The following GRM5 variants were observed in gnomAD, a reference collection of about 807,000 sequenced individuals.
The protein encoded by GRM5 is glutamate metabotropic receptor 5, also known as metabotropic glutamate receptor 5.
In GRM5, 19 loss-of-function variants were observed where a neutral mutation model predicts 83.1. The ratio of observed to expected loss-of-function variants is 0.23; its 90% CI spans 0.16 to 0.34. GRM5 has a LOEUF of 0.34. Among genes scored for constraint, GRM5 ranks in the 10% least tolerant of loss-of-function variants. The pLI is 1.00. For missense variants in GRM5, 1,160 were observed against 1,588.3 expected, an observed-to-expected ratio of 0.73 and a Z score of 4.58; for synonymous variants, 675 against 633.6, an observed-to-expected ratio of 1.07 and a Z score of -0.98.
In GRM5 at chr11:88,709,614, G is replaced by A. The variant is rs182108678; in HGVS notation, c.912-56211C>T. Among the ~76,000 whole-genome samples the A allele has an allele frequency of 8.1e-3, 1,227 of 152,212 alleles. 5 individuals are homozygous for A. Among genetic ancestry groups the A allele is most frequent in the Non-Finnish European group, 0.012 (814 of 67,988 alleles). On this transcript the variant is annotated intron_variant, in intron 3 of 9. Coordinates refer to ENST00000305447, the MANE Select transcript of GRM5 (RefSeq NM_001143831.3). The stretch of plus-strand genomic sequence containing the variant: ...CTCAGTGTCATCCTGAGGGGTCAGA[G>A]CAGGAGCCAGCATGCTCTAGACATG...
chr11:88,800,732 C>T (rs778317456), intron 3 of GRM5, among the ~76,000 whole-genome samples: 17 of 152,090 alleles, frequency 1.1e-4, no homozygotes, highest in Admixed American at 2.0e-4. Context: ...TCTATCAGTT[C>T]CTAATGGCAA....
chr11:88,794,722 G>A (rs991464387), intron 3 of GRM5, among the ~76,000 whole-genome samples: 7 of 152,162 alleles, frequency 4.6e-5, no homozygotes, highest in African/African-American at 1.7e-4. Context: ...AGAAGATGAT[G>A]ATGAACGAGT....
Position 88,805,042 on chromosome 11 carries a change from A to G in GRM5, c.911+44864T>C, listed in dbSNP as rs540420124. Among the ~76,000 whole-genome samples the G allele has an allele frequency of 2.8e-4, 42 of 152,282 alleles. No homozygotes were observed. The South Asian group carries it at 8.5e-3, about 31-fold the overall frequency. On this transcript the variant is annotated intron_variant, in intron 3 of 9. Coordinates refer to ENST00000305447, the MANE Select transcript of GRM5 (RefSeq NM_001143831.3). ...AAATTCAGTGATTTTTGTACAGACT[A>G]TTTCCTGTAAATGCATGTGTTGGAG...
chr11:88,989,137 A>G (rs1843128435), intron 2 of GRM5, among the ~76,000 whole-genome samples: 2 of 150,326 alleles, frequency 1.3e-5, no homozygotes, highest in South Asian at 4.2e-4. Flanking sequence ...AGAGACACAC[A>G]TAGGCTCAAA....
In GRM5 at chr11:88,853,313, A is replaced by G. The variant is rs867482885; in HGVS notation, c.662-3158T>C. Among the ~76,000 whole-genome samples the G allele has an allele frequency of 2.3e-4, 35 of 152,226 alleles. No individual in the cohort carries two copies. In the Middle Eastern group the frequency reaches 0.01, roughly 44 times the overall value. Reference sequence around the variant, plus strand: ...TAAAATATATTTGTTATCAACTTTTACAATGACAATTAAAGAGAAAGATGA... The same window carrying G: ...TAAAATATATTTGTTATCAACTTTTGCAATGACAATTAAAGAGAAAGATGA... On this transcript the variant is annotated intron_variant, in intron 2 of 9. Transcript: ENST00000305447.
chr11:88,527,714 G>A (rs1417023195), intron 8 of GRM5, among the ~76,000 whole-genome samples: 1 of 152,058 alleles, frequency 6.6e-6, no homozygotes, highest in Admixed American at 6.6e-5. Context: ...CGGTAAAATG[G>A]ATAAAGAAAA....
intron 8 of GRM5, among the ~76,000 whole-genome samples, chr11:88,555,885 A>G (rs1942615394): frequency 6.6e-6 from 1 of 152,158 alleles, no homozygotes; most frequent in African/African-American, 2.4e-5. Context: ...TTTCTATGTA[A>G]TTAAGTAAAG....
intron 3 of GRM5, among the ~76,000 whole-genome samples, chr11:88,691,576 A>G (rs1203653974): frequency 6.6e-6 from 1 of 152,138 alleles, no homozygotes; most frequent in Non-Finnish European, 1.5e-5. Flanking sequence ...TCTCTTTGCT[A>G]TGTCTGCTCT....
intron 2 of GRM5, among the ~76,000 whole-genome samples, chr11:88,922,140 T>C (rs948257862): frequency 3.3e-5 from 5 of 152,162 alleles, no homozygotes; most frequent in Non-Finnish European, 7.4e-5. Context: ...AGATTTAACA[T>C]TGTTAAAATG....
chr11:88,990,879 A>G (rs1181913337), intron 2 of GRM5, among the ~76,000 whole-genome samples: 1 of 152,046 alleles, frequency 6.6e-6, no homozygotes, highest in Non-Finnish European at 1.5e-5. Flanking sequence ...AATAAGAGCT[A>G]TCTATGACAA....
chr11:88,995,624 G>C (rs1469810496), intron 2 of GRM5, among the ~76,000 whole-genome samples: 8 of 148,750 alleles, frequency 5.4e-5, no homozygotes, highest in African/African-American at 2.0e-4. Context: ...CAATGTTGTA[G>C]AATATATTCT....
At chr11:88,698,148 T>C (rs1940944251) in intron 3 of GRM5, among the ~76,000 whole-genome samples, 1 of 152,136 alleles carries the variant, frequency 6.6e-6, no homozygotes, top group Non-Finnish European at 1.5e-5. Context: ...GCAGATCTGA[T>C]TATTAACTCC....
At chr11:89,055,380 C>T (rs1430793461) in intron 1 of GRM5, among the ~76,000 whole-genome samples, 1 of 152,160 alleles carries the variant, frequency 6.6e-6, no homozygotes, top group Non-Finnish European at 1.5e-5. Context: ...TAAATTATTA[C>T]CATATCCCTC....
chr11:88,669,078 T>TA (rs1940126599), intron 3 of GRM5, among the ~76,000 whole-genome samples: 1 of 152,156 alleles, frequency 6.6e-6, no homozygotes, highest in Non-Finnish European at 1.5e-5. Context: ...TTTGAAGAGA[T>TA]ATATACACCC....
intron 2 of GRM5, among the ~76,000 whole-genome samples, chr11:88,891,610 C>CTAACTATATGCTATCAA (rs59362348): frequency 5.2e-5 from 2 of 38,424 alleles, no homozygotes; most frequent in East Asian, 1.6e-3. Flanking sequence ...ATTCTAATGT[C>CTAACTATATGCTATCAA]TCATAATTAA....
At chr11:88,812,242 G>GA (rs757764124) in intron 3 of GRM5, among the ~76,000 whole-genome samples, 1 of 152,036 alleles carries the variant, frequency 6.6e-6, no homozygotes, top group Non-Finnish European at 1.5e-5. Context: ...AGCTCATCAG[G>GA]AAAAGTCATT....
chr11:88,522,014 A>G (rs1941705772), intron 9 of GRM5, among the ~76,000 whole-genome samples: 1 of 152,182 alleles, frequency 6.6e-6, no homozygotes, highest in South Asian at 2.1e-4. Flanking sequence ...GCTTCATTAT[A>G]CAAAACAGGC....
At chr11:88,885,680 A>T (rs1283065550) in intron 2 of GRM5, among the ~76,000 whole-genome samples, 1 of 152,042 alleles carries the variant, frequency 6.6e-6, no homozygotes, top group Non-Finnish European at 1.5e-5. Flanking sequence ...CATAAAAAAA[A>T]ATCTCCAGTC....
At chr11:88,691,470 G>A (rs963252869) in intron 3 of GRM5, among the ~76,000 whole-genome samples, 5 of 152,070 alleles carry the variant, frequency 3.3e-5, no homozygotes, top group African/African-American at 9.7e-5. Flanking sequence ...TTAGAAATAC[G>A]GTTGGATATA....
Sources: allele counts gnomAD v4.1 joint callset (sites outside exome capture counted in the v4.1 genomes callset), GRCh38; gene constraint gnomAD v4.1.1; transcripts MANE v1.5; gene names NCBI Gene and HGNC (gene_info 2026-07-23, HGNC 2026-07-21).